Variants in PARD3B observed in about 807,000 individuals in gnomAD.
PARD3B encodes the protein par-3 family cell polarity regulator beta, also known as partitioning defective 3 homolog B.
PARD3B carries 103 observed loss-of-function variants against 130.2 expected under a neutral mutation model. That is an observed-to-expected ratio of 0.79 (90% CI 0.67 to 0.93). The LOEUF is 0.93. Among genes scored for constraint, PARD3B ranks in the 40% least tolerant of loss-of-function variants. PARD3B has a pLI of 0.00. For synonymous variants in PARD3B, 583 were observed against 553.2 expected (o/e 1.05, Z -0.76); for missense variants, 1,609 against 1,499.2 (o/e 1.07, Z -1.21).
intron 1 of PARD3B, among the ~76,000 whole-genome samples, chr2:204,619,346 G>A (rs896326177): frequency 2.2e-4 from 33 of 152,168 alleles, no homozygotes; most frequent in Non-Finnish European, 1.5e-5. Context: ...GGCTACTAGT[G>A]ACAGCATACA....
chr2:205,570,436 G>A (rs2053521425), intron 22 of PARD3B, among the ~76,000 whole-genome samples: 1 of 152,132 alleles, frequency 6.6e-6, no homozygotes, highest in Non-Finnish European at 1.5e-5. Flanking sequence ...AAACTTATGA[G>A]AAGAAAATAC....
At position 205,525,548 on chromosome 2, in the gene PARD3B, A is replaced by G. The variant is rs966416307; in HGVS notation, c.3180+25517A>G. On this transcript the variant is annotated intron_variant, in intron 21 of 22. Transcript: ENST00000406610. The surrounding 1 kb of genome is among the most constrained non-coding windows in gnomAD (Gnocchi z 4.2). ...AAAGATAAAAAACAAAGTTCCTGCT[A>G]TAAACATAGGGGTATTGGTTGCATG... Among the ~76,000 whole-genome samples the G allele has an allele frequency of 6.6e-6, 1 of 152,242 alleles. No individual in the cohort carries two copies. The highest frequency in any genetic ancestry group is 2.1e-4 in the South Asian group (1 of 4,832).
intron 3 of PARD3B, among the ~76,000 whole-genome samples, chr2:204,974,723 C>G (rs1227321450): frequency 6.6e-6 from 1 of 152,208 alleles, no homozygotes; most frequent in East Asian, 1.9e-4. Context: ...GCCCTTACGG[C>G]AGAGTTCAGC....
At chr2:205,541,715 A>C (rs1575307619) in intron 21 of PARD3B, among the ~76,000 whole-genome samples, 1 of 152,070 alleles carries the variant, frequency 6.6e-6, no homozygotes, top group Non-Finnish European at 1.5e-5. Context: ...ACAGCCAATC[A>C]GAGCAATATT....
intron 10 of PARD3B, among the ~76,000 whole-genome samples, chr2:205,149,668 C>G (rs930370662): frequency 3.3e-5 from 5 of 152,224 alleles, no homozygotes; most frequent in Admixed American, 2.0e-4. Flanking sequence ...ACAGTAAAAA[C>G]TGCCACCCCT....
chr2:205,267,742 T>C (rs2040566191), intron 16 of PARD3B, among the ~76,000 whole-genome samples: 1 of 152,080 alleles, frequency 6.6e-6, no homozygotes, highest in African/African-American at 2.4e-5. Context: ...AAAAGGCAGA[T>C]AGAGGGGTGA....
At chr2:204,792,589 A>G (rs1489988410) in intron 2 of PARD3B, among the ~76,000 whole-genome samples, 2 of 152,088 alleles carry the variant, frequency 1.3e-5, no homozygotes, top group African/African-American at 4.8e-5. Flanking sequence ...AACATTTGGA[A>G]TTTAGGACTT....
chr2:205,094,507 T>C (rs973184476), intron 4 of PARD3B, among the ~76,000 whole-genome samples: 1 of 152,156 alleles, frequency 6.6e-6, no homozygotes, highest in Non-Finnish European at 1.5e-5. Flanking sequence ...CTTCCTAAAT[T>C]TTGAGATTTT....
chr2:205,166,887 G>A (rs563548589), intron 11 of PARD3B, among the ~76,000 whole-genome samples: 6 of 152,226 alleles, frequency 3.9e-5, no homozygotes, highest in East Asian at 3.9e-4. Context: ...CAAGGGCCCC[G>A]TTAGAAGCAT....
intron 1 of PARD3B, among the ~76,000 whole-genome samples, chr2:204,556,085 G>A (rs1166906328): frequency 2.0e-5 from 3 of 152,114 alleles, no homozygotes; most frequent in Non-Finnish European, 4.4e-5. Flanking sequence ...AGAGCACCAG[G>A]TCATAGTAGG....
intron 1 of PARD3B, among the ~76,000 whole-genome samples, chr2:204,585,899 T>C (rs2032801638): frequency 6.6e-6 from 1 of 152,242 alleles, no homozygotes; most frequent in Non-Finnish European, 1.5e-5. Context: ...TTCCTAGATA[T>C]ATTGCCTAAA....
intron 20 of PARD3B, among the ~76,000 whole-genome samples, chr2:205,469,677 C>G (rs2048756940): frequency 6.6e-6 from 1 of 152,192 alleles, no homozygotes; most frequent in African/African-American, 2.4e-5. Context: ...TCCTCACACC[C>G]TATATTTGAC....
rs550670636 is a variant in PARD3B at position 205,407,809 on chromosome 2, GA to G, written c.2741+6695del. ...GTAAATGAAGTTTTCTCCTAAAATT[GA>G]AAAAAAAATTTTAATAACATGAGTT... On this transcript the variant is annotated intron_variant, in intron 19 of 22. Transcript: ENST00000406610. The surrounding 1 kb of genome is among the most constrained non-coding windows in gnomAD (Gnocchi z 4.1). Among the ~76,000 whole-genome samples the G allele has an allele frequency of 2.7e-3, 401 of 150,838 alleles. 1 individual carries two copies. Among genetic ancestry groups the G allele is most frequent in the Middle Eastern group, 0.01 (3 of 288 alleles).
chr2:205,587,841 C>A (rs2106589763), intron 22 of PARD3B, among the ~76,000 whole-genome samples: 1 of 152,304 alleles, frequency 6.6e-6, no homozygotes, highest in Non-Finnish European at 1.5e-5. Flanking sequence ...CCCAGCTTCC[C>A]ATTTATAGCC....
chr2:205,510,463 G>T (rs147066706), intron 21 of PARD3B, among the ~76,000 whole-genome samples: 101 of 152,278 alleles, frequency 6.6e-4, no homozygotes, highest in African/African-American at 2.4e-3. Flanking sequence ...GATGCCCAGG[G>T]TCACTTCAGG....
intron 2 of PARD3B, among the ~76,000 whole-genome samples, chr2:204,842,868 C>G (rs1008570107): frequency 1.3e-5 from 2 of 152,056 alleles, no homozygotes; most frequent in South Asian, 2.1e-4. Context: ...TTAAATTTCT[C>G]GAAGGGAAGC....
chr2:205,418,275 C>T (rs1330600610), intron 19 of PARD3B, among the ~76,000 whole-genome samples: 5 of 152,096 alleles, frequency 3.3e-5, no homozygotes, highest in Admixed American at 6.6e-5. Context: ...GGGTAGATAT[C>T]TTCTGCTATG....
chr2:204,728,576 T>C (rs2039343987), intron 2 of PARD3B, among the ~76,000 whole-genome samples: 2 of 151,222 alleles, frequency 1.3e-5, no homozygotes. Flanking sequence ...TACCTATTTG[T>C]GTAATACTCT....
intron 3 of PARD3B, among the ~76,000 whole-genome samples, chr2:205,028,012 C>T (rs1697155833): frequency 6.6e-6 from 1 of 152,134 alleles, no homozygotes; most frequent in African/African-American, 2.4e-5. Context: ...ATGATGCCTC[C>T]AGCTTTGTTC....
Sources: allele counts gnomAD v4.1 joint callset (sites outside exome capture counted in the v4.1 genomes callset), GRCh38; gene constraint gnomAD v4.1.1; non-coding constraint Gnocchi (gnomAD v3.1); transcripts MANE v1.5; gene names NCBI Gene and HGNC (gene_info 2026-07-23, HGNC 2026-07-21).